The following KIF26B variants were observed in gnomAD, a reference collection of about 807,000 sequenced individuals.
KIF26B encodes kinesin family member 26B.
A neutral mutation model predicts 151.2 loss-of-function variants in KIF26B; 63 were observed. The ratio of observed to expected loss-of-function variants is 0.42; its 90% confidence interval spans 0.34 to 0.51. KIF26B has a LOEUF of 0.51. Ranked by LOEUF, KIF26B falls within the 20% of genes least tolerant of loss-of-function variation. The pLI is 0.07. For missense variants in KIF26B, 2,813 were observed against 2,913.6 expected, an observed-to-expected ratio of 0.97 and a Z score of 0.79; for synonymous variants, 1,357 against 1,262.1, an observed-to-expected ratio of 1.08 and a Z score of -1.59.
intron 10 of KIF26B, among the ~76,000 whole-genome samples, chr1:245,659,923 C>A (rs969894372): frequency 2.6e-5 from 4 of 151,404 alleles, no homozygotes; most frequent in Middle Eastern, 3.4e-3. Flanking sequence ...TGGAACATGC[C>A]TGTAATCTCA....
chr1:245,683,251 C>G (rs965693276), intron 10 of KIF26B, among the ~76,000 whole-genome samples: 1 of 152,114 alleles, frequency 6.6e-6, no homozygotes, highest in Admixed American at 6.6e-5. Context: ...GGACGAATTC[C>G]TCTCATCTGG....
At chr1:245,552,917 C>CA in intron 5 of KIF26B, among the ~76,000 whole-genome samples, 1 of 152,250 alleles carries the variant, frequency 6.6e-6, no homozygotes, top group East Asian at 1.9e-4. Context: ...ATTCTTAATA[C>CA]AGCCCTGAGA....
chr1:245,256,596 C>T (rs1433527774), intron 2 of KIF26B, among the ~76,000 whole-genome samples: 3 of 152,110 alleles, frequency 2.0e-5, no homozygotes, highest in Admixed American at 2.0e-4. Flanking sequence ...CTGAGCTCCC[C>T]AACCAACTGA....
At chr1:245,666,803 C>G (rs2044221667) in intron 10 of KIF26B, among the ~76,000 whole-genome samples, 1 of 151,964 alleles carries the variant, frequency 6.6e-6, no homozygotes, top group South Asian at 2.1e-4. Flanking sequence ...TGGGATCAAA[C>G]ATTTTTGCTC....
chr1:245,155,294 C>T lies in KIF26B; in HGVS notation c.-131C>T. The T allele has an allele frequency of 1.4e-6, 1 of 717,206 alleles. No homozygotes were observed. Among genetic ancestry groups the T allele is most frequent in the Non-Finnish European group, 2.4e-6 (1 of 413,494 alleles). The allele number at this position is 717,206 out of a possible 1,614,324, so 44.4% of individuals were successfully genotyped here. On this transcript the variant is annotated 5_prime_UTR_variant, in exon 1 of 15. Transcript: ENST00000407071. The stretch of plus-strand genomic sequence containing the variant: ...CATTTGCTTTCATTCCCTCCCACCC[C>T]ACCGCTGAAGAAACCTTGCCCTGAG...
At chr1:245,197,453 T>G (rs1252832257) in intron 2 of KIF26B, among the ~76,000 whole-genome samples, 2 of 152,160 alleles carry the variant, frequency 1.3e-5, no homozygotes, top group Non-Finnish European at 2.9e-5. Flanking sequence ...GACTGATCTT[T>G]TATTTTAATT....
intron 4 of KIF26B, among the ~76,000 whole-genome samples, chr1:245,453,361 C>A (rs1163458291): frequency 1.3e-5 from 2 of 152,100 alleles, no homozygotes; most frequent in African/African-American, 4.8e-5. Context: ...AAAATTTTCA[C>A]ATTTTATTCA....
intron 3 of KIF26B, among the ~76,000 whole-genome samples, chr1:245,387,171 TTTTG>T (rs1673570279): frequency 1.4e-5 from 2 of 146,328 alleles, no homozygotes; most frequent in African/African-American, 2.6e-5. Context: ...GTTTTTTGTT[TTTTG>T]TTTTTTGAGA....
chr1:245,160,174 G>A (rs941925625), intron 2 of KIF26B, among the ~76,000 whole-genome samples: 3 of 152,188 alleles, frequency 2.0e-5, no homozygotes, highest in African/African-American at 7.2e-5. Flanking sequence ...GTGAGTAGAC[G>A]TTTGTGCTTG....
At chr1:245,452,460 G>A (rs1035852797) in intron 4 of KIF26B, among the ~76,000 whole-genome samples, 6 of 152,116 alleles carry the variant, frequency 3.9e-5, no homozygotes, top group Non-Finnish European at 5.9e-5. Flanking sequence ...TTATAACTAT[G>A]AGTGGAATTG....
chr1:245,672,312 A>G (rs1263102604), intron 10 of KIF26B, among the ~76,000 whole-genome samples: 3 of 152,194 alleles, frequency 2.0e-5, no homozygotes, highest in Admixed American at 6.5e-5. Flanking sequence ...GACCTTGACA[A>G]TGAGAATCCT....
chr1:245,264,394 G>T (rs1405145208), intron 2 of KIF26B, among the ~76,000 whole-genome samples: 1 of 152,100 alleles, frequency 6.6e-6, no homozygotes, highest in Admixed American at 6.6e-5. Flanking sequence ...CTAATAGTTG[G>T]ATTTGTGGTT....
At chr1:245,197,643 A>G (rs576581433) in intron 2 of KIF26B, among the ~76,000 whole-genome samples, 35 of 152,328 alleles carry the variant, frequency 2.3e-4, no homozygotes, top group Non-Finnish European at 2.1e-4. Flanking sequence ...AGTATTTGAT[A>G]TAAAAATGTA....
chr1:245,495,624 T>C lies in KIF26B; in HGVS notation c.1167-45143T>C, dbSNP rs2103076070. On this transcript the variant is annotated intron_variant, in intron 4 of 14. Coordinates refer to ENST00000407071, the MANE Select transcript of KIF26B (RefSeq NM_018012.4). The surrounding 1 kb of genome is among the most constrained non-coding windows in gnomAD (Gnocchi z 4.2). ...AGCTATAATTTGGTCTATAGTTTGG[T>C]ATCCATTAATGAACCTCTCCCCATC... Among the ~76,000 whole-genome samples the C allele has an allele frequency of 6.6e-6, 1 of 152,292 alleles. No homozygotes were observed. Among genetic ancestry groups the C allele is most frequent in the African/African-American group, 2.4e-5 (1 of 41,568 alleles).
chr1:245,457,412 C>G (rs1392930129), intron 4 of KIF26B, among the ~76,000 whole-genome samples: 1 of 152,140 alleles, frequency 6.6e-6, no homozygotes, highest in African/African-American at 2.4e-5. Context: ...AACAAAAGGA[C>G]AGCTCAGAGG....
chr1:245,700,623 C>T lies in KIF26B; in HGVS notation c.6178+1586C>T, dbSNP rs985776719. ...TGAGGTTGCAGTGAGCCAGAGATTG[C>T]GCCAGACCCTGTCTCAAAAATAAAA... On this transcript the variant is annotated intron_variant, in intron 14 of 14. Transcript: ENST00000407071. Among the ~76,000 whole-genome samples the T allele has an allele frequency of 1.2e-4, 18 of 152,222 alleles. No homozygotes were observed. The East Asian group carries it at 2.3e-3, about 20-fold the overall frequency.
chr1:245,636,534 G>C (rs747457777), intron 9 of KIF26B, among the ~76,000 whole-genome samples: 7 of 151,886 alleles, frequency 4.6e-5, no homozygotes, highest in Non-Finnish European at 1.0e-4. Flanking sequence ...TTTGCTTTGT[G>C]TTGGGAATGT....
rs1355024347 is a variant in KIF26B at position 245,495,973 on chromosome 1, G to A, written c.1167-44794G>A. Among the ~76,000 whole-genome samples the A allele has an allele frequency of 6.6e-6, 1 of 152,102 alleles. No individual in the cohort carries two copies. The highest frequency in any genetic ancestry group is 1.5e-5 in the Non-Finnish European group (1 of 68,010). ...CCTAAAAGTTTACAAACTTAATAAA[G>A]ATATTCGTCAAACATTGAAGTGAAA... is the stretch of plus-strand genomic sequence containing the variant. On this transcript the variant is annotated intron_variant, in intron 4 of 14. Transcript: ENST00000407071. The surrounding 1 kb of genome is among the most constrained non-coding windows in gnomAD (Gnocchi z 4.2).
intron 4 of KIF26B, among the ~76,000 whole-genome samples, chr1:245,506,365 T>C (rs1660729442): frequency 6.6e-6 from 1 of 152,222 alleles, no homozygotes; most frequent in South Asian, 2.1e-4. Flanking sequence ...TATAAAGTAA[T>C]AAATTGTCCA....
Sources: allele counts gnomAD v4.1 joint callset (sites outside exome capture counted in the v4.1 genomes callset), GRCh38; gene constraint gnomAD v4.1.1; non-coding constraint Gnocchi (gnomAD v3.1); transcripts MANE v1.5; gene names NCBI Gene and HGNC (gene_info 2026-07-23, HGNC 2026-07-21).